COL4A4: variants seen among roughly 807,000 people sequenced by gnomAD.
COL4A4 encodes collagen type IV alpha 4 chain.
Under a neutral mutation model 192.9 loss-of-function variants are expected in COL4A4, and 105 were observed. The ratio of observed to expected loss-of-function variants is 0.54; its 90% CI spans 0.46 to 0.64. COL4A4 has a LOEUF of 0.64. Ranked by LOEUF, COL4A4 falls within the 30% of genes least tolerant of loss-of-function variation. COL4A4 has a pLI of 0.00. For synonymous variants in COL4A4, 762 were observed against 769.9 expected (o/e 0.99, Z 0.17); for missense variants, 1,967 against 2,169.3 (o/e 0.91, Z 1.85).
At chr2:227,159,529 T>C (rs2064644765) in intron 1 of COL4A4, among the ~76,000 whole-genome samples, 1 of 152,360 alleles carries the variant, frequency 6.6e-6, no homozygotes, top group Non-Finnish European at 1.5e-5. Context: ...GGTTTGACTT[T>C]GTGTCCCCAC....
Position 227,118,611 on chromosome 2 carries a change from A to G in COL4A4, c.489+34T>C, listed in dbSNP as rs2061611998. 2.0e-6 allele frequency: 3 copies of G among 1,497,380 alleles called. No individual in the cohort carries two copies. In the African/African-American group the frequency reaches 4.1e-5, roughly 21 times the overall value. The allele number at this position is 1,497,380 out of a possible 1,614,324, so 92.8% of individuals were successfully genotyped here. A position where few individuals can be genotyped will look rare whatever the true frequency, so the allele number is the denominator to read the frequency against. ...TTCCACCACAGGGCCTGTTCACTTA[A>G]GATTCCTGTTAAGATGAACTGTGGG... On this transcript the variant is annotated intron_variant, in intron 7 of 47. Transcript: ENST00000396625.
chr2:227,148,542 T>G (rs533222092), intron 1 of COL4A4, among the ~76,000 whole-genome samples: 1 of 152,188 alleles, frequency 6.6e-6, no homozygotes, highest in Non-Finnish European at 1.5e-5. Context: ...TGGTTATGGC[T>G]GCACAACATT....
chr2:227,141,839 G>T, intron 3 of COL4A4, among the ~76,000 whole-genome samples: 1 of 151,960 alleles, frequency 6.6e-6, no homozygotes, highest in Non-Finnish European at 1.5e-5. Context: ...CCGGGCCCAG[G>T]TCGGGACAGC....
chr2:227,015,429 A>T (rs1044758762), intron 44 of COL4A4, among the ~76,000 whole-genome samples: 3 of 151,878 alleles, frequency 2.0e-5, no homozygotes, highest in Non-Finnish European at 4.4e-5. Flanking sequence ...TCTGGGGGGG[A>T]CCTCAGCGAG....
intron 44 of COL4A4, among the ~76,000 whole-genome samples, chr2:227,015,702 A>G (rs1420140531): frequency 6.6e-6 from 1 of 152,114 alleles, no homozygotes; most frequent in Non-Finnish European, 1.5e-5. Context: ...AAACCAATCA[A>G]TAATTGGTGA....
At chr2:227,065,087 G>A (rs1271288396) in intron 25 of COL4A4, among the ~76,000 whole-genome samples, 1 of 152,250 alleles carries the variant, frequency 6.6e-6, no homozygotes, top group Non-Finnish European at 1.5e-5. Context: ...AGTGCAAGGG[G>A]TCAGGGAGTT....
chr2:226,998,487 G>A (rs1384075790), downstream of COL4A4: 1 of 152,138 alleles, frequency 6.6e-6, no homozygotes, highest in African/African-American at 2.4e-5. Context: ...TCAGTATTCA[G>A]TAAAGAATAG....
At chr2:227,159,145 C>T (rs2125539757) in intron 1 of COL4A4, among the ~76,000 whole-genome samples, 1 of 151,840 alleles carries the variant, frequency 6.6e-6, no homozygotes, top group African/African-American at 2.4e-5. Flanking sequence ...AAATAACAAA[C>T]TCCTAATCTA....
chr2:227,044,463 T>C (rs1972039853), intron 35 of COL4A4, among the ~76,000 whole-genome samples: 2 of 152,230 alleles, frequency 1.3e-5, no homozygotes, highest in African/African-American at 4.8e-5. Context: ...TCATTTATTA[T>C]AGCACACAGG....
rs538994353 is a variant in COL4A4 at position 227,004,838 on chromosome 2, G to A, written c.*2487C>T. ...GTTCCCATTAGGGCAATCTAGGCAC[G>A]TTCCAGTCTACAAGGTTGGTGGGGA... On this transcript the variant is annotated 3_prime_UTR_variant, in exon 48 of 48. Transcript: ENST00000396625. The A allele has an allele frequency of 6.6e-6, 1 of 152,232 alleles. No homozygotes were observed. The allele number at this position is 152,232 out of a possible 1,614,324, so 9.4% of individuals were successfully genotyped here.
chr2:227,099,869 T>C (rs2060411917), intron 17 of COL4A4, among the ~76,000 whole-genome samples, 180 bp from the exon 18 acceptor site: 1 of 152,200 alleles, frequency 6.6e-6, no homozygotes, highest in East Asian at 1.9e-4. Flanking sequence ...TCTAATCTCT[T>C]ATCTACAAGT....
chr2:227,122,139 G>A (rs868738313), intron 4 of COL4A4, among the ~76,000 whole-genome samples: 50 of 152,148 alleles, frequency 3.3e-4, no homozygotes, highest in African/African-American at 1.1e-3. Context: ...TCCTACCTCA[G>A]AACCCATGTC....
intron 19 of COL4A4, 120 bp downstream of exon 19, chr2:227,098,572 CGG>C: frequency 1.3e-6 from 1 of 750,260 alleles, no homozygotes; most frequent in Non-Finnish European, 2.3e-6. Context: ...GCACAGGCAT[CGG>C]TATTATTTTA....
the COL4A4 span, among the ~76,000 whole-genome samples, chr2:226,981,521 AAC>A: frequency 6.6e-6 from 1 of 151,684 alleles, no homozygotes; most frequent in Non-Finnish European, 1.5e-5. Context: ...CACTCATGCA[AAC>A]ACATGCAGGC....
intron 25 of COL4A4, among the ~76,000 whole-genome samples, chr2:227,069,506 G>T (rs1475513771): frequency 1.3e-5 from 2 of 151,510 alleles, no homozygotes; most frequent in Admixed American, 6.6e-5. Flanking sequence ...GCATGGTACT[G>T]GTACCAAAAC....
At chr2:227,010,741 A>G (rs1338480451) in intron 45 of COL4A4, among the ~76,000 whole-genome samples, 2 of 152,242 alleles carry the variant, frequency 1.3e-5, no homozygotes, top group African/African-American at 4.8e-5. Context: ...GCATAAAGAC[A>G]AAAAACAGAG....
chr2:227,041,862 G>A (rs1337195393), intron 37 of COL4A4, among the ~76,000 whole-genome samples: 15 of 118,322 alleles, frequency 1.3e-4, no homozygotes, highest in Non-Finnish European at 2.3e-4. Flanking sequence ...AAGAAAGAAA[G>A]AAAGAAAGAA....
chr2:227,044,609 T>C (rs1972072039), intron 35 of COL4A4, among the ~76,000 whole-genome samples: 1 of 122,970 alleles, frequency 8.1e-6, no homozygotes, highest in South Asian at 3.2e-4. Context: ...ATGAAAACAC[T>C]GAAATATTAA....
At chr2:227,021,905 G>A in intron 44 of COL4A4, 143 bp downstream of exon 44, 1 of 850,998 alleles carries the variant, frequency 1.2e-6, no homozygotes, top group East Asian at 2.5e-5. Context: ...TTTGGATCAA[G>A]GTAGAAACAA....
Sources: allele counts gnomAD v4.1 joint callset (sites outside exome capture counted in the v4.1 genomes callset), GRCh38; gene constraint gnomAD v4.1.1; transcripts MANE v1.5; gene names NCBI Gene and HGNC (gene_info 2026-07-23, HGNC 2026-07-21).